The following PCDH15 variants were observed in gnomAD, a reference collection of about 807,000 sequenced individuals.
The protein encoded by PCDH15 is protocadherin-15.
PCDH15 carries 129 observed loss-of-function variants against 178.5 expected under a neutral mutation model. The observed-to-expected ratio is 0.72, with a 90% confidence interval of 0.63 to 0.84. The LOEUF (loss-of-function observed/expected upper bound fraction) is 0.84, where lower values mean the gene tolerates loss of function less well. Among genes scored for constraint, PCDH15 ranks in the 40% least tolerant of loss-of-function variants. The pLI, the probability that PCDH15 is intolerant of heterozygous loss-of-function variation, is 0.00. For synonymous variants in PCDH15, 800 were observed against 732.0 expected, an observed-to-expected ratio of 1.09 and a Z score of -1.50; for missense variants, 2,230 against 2,099.9, an observed-to-expected ratio of 1.06 and a Z score of -1.21.
chr10:55,345,655 C>T (rs1016179085), intron 2 of PCDH15, among the ~76,000 whole-genome samples: 1 of 145,972 alleles, frequency 6.9e-6, no homozygotes, highest in Non-Finnish European at 1.5e-5. Flanking sequence ...GTCCCTGATA[C>T]TACTATTTTC....
intron 2 of PCDH15, among the ~76,000 whole-genome samples, chr10:55,121,054 G>A (rs1256302893): frequency 6.6e-6 from 1 of 152,112 alleles, no homozygotes; most frequent in Non-Finnish European, 1.5e-5. Flanking sequence ...ACAGCAGCCT[G>A]GGAGAGCTGC....
chr10:55,315,309 TG>T (rs1392036177), intron 1 of PCDH15, among the ~76,000 whole-genome samples: 1 of 152,196 alleles, frequency 6.6e-6, no homozygotes, highest in Non-Finnish European at 1.5e-5. Flanking sequence ...TAATTACAAA[TG>T]CAAATGTATA....
intron 2 of PCDH15, among the ~76,000 whole-genome samples, chr10:55,384,307 C>T (rs1270119209): frequency 6.6e-6 from 1 of 152,056 alleles, no homozygotes; most frequent in Non-Finnish European, 1.5e-5. Flanking sequence ...GTCATATTAC[C>T]ATTGTGTATT....
chr10:54,776,041 T>C (rs1949667846), intron 1 of PCDH15, among the ~76,000 whole-genome samples: 1 of 152,222 alleles, frequency 6.6e-6, no homozygotes, highest in Non-Finnish European at 1.5e-5. Context: ...TGTTTAACTT[T>C]TGGTTCTTAT....
intron 29 of PCDH15, among the ~76,000 whole-genome samples, chr10:53,839,084 G>A (rs187582914): frequency 6.6e-6 from 1 of 151,138 alleles, no homozygotes; most frequent in Non-Finnish European, 1.5e-5. Context: ...GGCGCCTGTA[G>A]TCCTAGCTTC....
Position 54,964,222 on chromosome 10 carries a change from A to G in PCDH15, c.-79-66722T>C, listed in dbSNP as rs572373409. On this transcript the variant is annotated intron_variant, in intron 2 of 5. Transcript: ENST00000458638. ...TTCAAGTTTTAAGGCTGGCTGAGTC[A>G]ATTTCTATGTTTATTCAAAAGAAAC... is the stretch of plus-strand genomic sequence containing the variant. Among the ~76,000 whole-genome samples the G allele has an allele frequency of 9.8e-5, 15 of 152,320 alleles. 2 individuals are homozygous for G. The highest frequency in any genetic ancestry group is 3.6e-4 in the African/African-American group (15 of 41,570).
chr10:54,781,632 A>T (rs1188892291), intron 1 of PCDH15, among the ~76,000 whole-genome samples: 1 of 152,190 alleles, frequency 6.6e-6, no homozygotes, highest in Non-Finnish European at 1.5e-5. Flanking sequence ...TGAATGACTT[A>T]GCCTATGGAA....
chr10:54,191,990 G>GGGAGAGAGGGAGAGAAGGAGGGGAA (rs1297437151), intron 11 of PCDH15, among the ~76,000 whole-genome samples: 9 of 138,784 alleles, frequency 6.5e-5, no homozygotes, highest in Non-Finnish European at 1.4e-4. Context: ...AAGGGACGGG[G>GGGAGAGAGGGAGAGAAGGAGGGGAA]GGAAGGAAAG....
chr10:55,203,949 G>A (rs1293945494), intron 1 of PCDH15, among the ~76,000 whole-genome samples: 1 of 151,948 alleles, frequency 6.6e-6, no homozygotes, highest in Non-Finnish European at 1.5e-5. Context: ...GGTGGTGCAT[G>A]CCTGTAATCC....
chr10:54,508,859 T>A (rs2081392218), intron 3 of PCDH15, among the ~76,000 whole-genome samples: 1 of 152,042 alleles, frequency 6.6e-6, no homozygotes, highest in Non-Finnish European at 1.5e-5. Flanking sequence ...AGATTTCAGA[T>A]TTTTTTGAAT....
chr10:54,647,162 G>A (rs1014559292), intron 2 of PCDH15, among the ~76,000 whole-genome samples: 3 of 151,960 alleles, frequency 2.0e-5, no homozygotes, highest in Non-Finnish European at 4.4e-5. Context: ...AGTCTTAAAG[G>A]GCGGAAAGAA....
Position 54,644,214 on chromosome 10 carries a change from A to G in PCDH15, c.91+19958T>C, listed in dbSNP as rs538985390. On this transcript the variant is annotated intron_variant, in intron 2 of 37. Coordinates refer to ENST00000644397, the MANE Select transcript of PCDH15 (RefSeq NM_001384140.1). ...TGTGCCACATTTTCTTAATCCTAACATACTTTTATATAGTCAACAAATAGA... is the reference window on the plus strand; with the variant it reads ...TGTGCCACATTTTCTTAATCCTAACGTACTTTTATATAGTCAACAAATAGA... 4.6e-5 allele frequency among the ~76,000 whole-genome samples: 7 copies of G among 151,140 alleles called. No homozygotes were observed. In the East Asian group the frequency reaches 1.4e-3, roughly 31 times the overall value.
intron 3 of PCDH15, among the ~76,000 whole-genome samples, chr10:54,456,367 A>C (rs1184296602): frequency 6.6e-6 from 1 of 152,120 alleles, no homozygotes; most frequent in African/African-American, 2.4e-5. Context: ...ATCATTTTGG[A>C]ACTTTAAAGT....
intron 2 of PCDH15, among the ~76,000 whole-genome samples, chr10:55,332,970 A>G (rs1844250914): frequency 6.6e-6 from 1 of 152,164 alleles, no homozygotes. Context: ...TGTGCAAGAG[A>G]CAGACTTGCC....
chr10:54,296,168 A>T (rs1400649720), intron 8 of PCDH15, among the ~76,000 whole-genome samples: 1 of 147,542 alleles, frequency 6.8e-6, no homozygotes, highest in Non-Finnish European at 1.5e-5. Flanking sequence ...AAAAAAAAAA[A>T]AGTGGTTGGC....
At chr10:54,552,452 G>C (rs2086722811) in intron 2 of PCDH15, among the ~76,000 whole-genome samples, 1 of 152,012 alleles carries the variant, frequency 6.6e-6, no homozygotes, top group Non-Finnish European at 1.5e-5. Context: ...AACTTAAATG[G>C]CATTATTAAT....
intron 20 of PCDH15, among the ~76,000 whole-genome samples, chr10:54,013,576 A>C (rs2092654607): frequency 6.6e-6 from 1 of 152,208 alleles, no homozygotes; most frequent in Non-Finnish European, 1.5e-5. Context: ...AACATGGTGC[A>C]ATAAAAACAG....
At chr10:54,811,691 G>A (rs1391121027) in intron 3 of PCDH15, among the ~76,000 whole-genome samples, 1 of 151,982 alleles carries the variant, frequency 6.6e-6, no homozygotes, top group African/African-American at 2.4e-5. Flanking sequence ...GGATGGTCTC[G>A]ATCTCCTGAC....
intron 2 of PCDH15, among the ~76,000 whole-genome samples, chr10:55,342,298 A>G (rs1464291835): frequency 6.6e-6 from 1 of 151,920 alleles, no homozygotes; most frequent in Non-Finnish European, 1.5e-5. Context: ...ACTGTACATT[A>G]TATTAAAGCA....
Sources: allele counts gnomAD v4.1 joint callset (sites outside exome capture counted in the v4.1 genomes callset), GRCh38; gene constraint gnomAD v4.1.1; transcripts MANE v1.5; gene names NCBI Gene and HGNC (gene_info 2026-07-23, HGNC 2026-07-21).